DTD1: variants seen among roughly 807,000 people sequenced by gnomAD.
DTD1 encodes D-tyrosyl-tRNA deacylase 1 homolog.
In DTD1, 13 loss-of-function variants were observed where a neutral mutation model predicts 25.6. The observed-to-expected ratio is 0.51, with a 90% CI of 0.33 to 0.81. The LOEUF is 0.81. DTD1 is among the 30% of genes least tolerant of loss of function. The pLI, the probability that DTD1 is intolerant of heterozygous loss-of-function variation, is 0.02. For synonymous variants in DTD1, 110 were observed against 103.6 expected (o/e 1.06, Z -0.37); for missense variants, 193 against 266.4 (o/e 0.72, Z 1.92).
chr20:18,680,058 A>T (rs942300053), intron 4 of DTD1, among the ~76,000 whole-genome samples: 1 of 152,216 alleles, frequency 6.6e-6, no homozygotes. Context: ...CTATAGACCT[A>T]GGTAGATTTA....
intron 4 of DTD1, among the ~76,000 whole-genome samples, chr20:18,714,895 C>T (rs2061174215): frequency 6.6e-6 from 1 of 152,218 alleles, no homozygotes; most frequent in African/African-American, 2.4e-5. Flanking sequence ...GCCCCTTCAG[C>T]CAAACGCCTG....
intron 3 of DTD1, among the ~76,000 whole-genome samples, chr20:18,607,983 G>C (rs2060668580): frequency 6.6e-6 from 1 of 152,136 alleles, no homozygotes; most frequent in South Asian, 2.1e-4. Flanking sequence ...CAAAGTGCTG[G>C]GATTATAGGC....
intron 4 of DTD1, among the ~76,000 whole-genome samples, chr20:18,707,826 C>T (rs1392333070): frequency 6.6e-6 from 1 of 152,056 alleles, no homozygotes; most frequent in Non-Finnish European, 1.5e-5. Flanking sequence ...CTTCTCAGAT[C>T]AGCTGAAGAG....
intron 1 of DTD1, among the ~76,000 whole-genome samples, chr20:18,591,609 T>C (rs2060589900): frequency 6.6e-6 from 1 of 152,206 alleles, no homozygotes; most frequent in East Asian, 1.9e-4. Context: ...AATATTAAAG[T>C]ACTTACCTTT....
chr20:18,618,145 C>T (rs1214311786), intron 3 of DTD1, among the ~76,000 whole-genome samples: 4 of 152,124 alleles, frequency 2.6e-5, no homozygotes, highest in Admixed American at 6.6e-5. Context: ...TTGTAGGCAC[C>T]GCACCTTTCT....
rs926438898 is a variant in DTD1 at position 18,617,320 on chromosome 20, A to G, written c.371-10807A>G. On this transcript the variant is annotated intron_variant, in intron 3 of 5. Coordinates refer to ENST00000377452, the MANE Select transcript of DTD1 (RefSeq NM_080820.6). The stretch of plus-strand genomic sequence containing the variant: ...GGGACTACGAATTCAGAAAAAAATT[A>G]TATATAATATATATAATATTAGATA... Among the ~76,000 whole-genome samples the G allele has an allele frequency of 1.5e-4, 22 of 148,326 alleles. 1 individual carries two copies. Among genetic ancestry groups the G allele is most frequent in the Admixed American group, 6.8e-5 (1 of 14,790 alleles).
At position 18,596,261 on chromosome 20, in the gene DTD1, C is replaced by T; in HGVS notation, c.370+20C>T. The T allele has an allele frequency of 6.2e-7, 1 of 1,603,822 alleles. No individual in the cohort carries two copies. Among genetic ancestry groups the T allele is most frequent in the Non-Finnish European group, 8.5e-7 (1 of 1,171,728 alleles). On this transcript the variant is annotated intron_variant, in intron 3 of 5. Transcript: ENST00000377452. ...TCAAAGGTAAGCAGGAGAGCCACAT[C>T]CAGGAACGGGTCTTTGGGACACTCC...
intron 3 of DTD1, among the ~76,000 whole-genome samples, chr20:18,606,834 G>A (rs1340225333): frequency 2.0e-5 from 3 of 146,998 alleles, no homozygotes; most frequent in Non-Finnish European, 4.5e-5. Context: ...GCTAGATGAC[G>A]AGTTAGTGGG....
chr20:18,610,355 G>C (rs940379669), intron 3 of DTD1, among the ~76,000 whole-genome samples: 16 of 152,090 alleles, frequency 1.1e-4, no homozygotes, highest in African/African-American at 3.9e-4. Flanking sequence ...AGCCTCCCAA[G>C]CTGGGACTAC....
At chr20:18,691,569 A>G (rs2061047554) in intron 4 of DTD1, among the ~76,000 whole-genome samples, 1 of 152,180 alleles carries the variant, frequency 6.6e-6, no homozygotes, top group African/African-American at 2.4e-5. Context: ...CTGAGTACAC[A>G]TGGAAGTAAA....
intron 4 of DTD1, among the ~76,000 whole-genome samples, chr20:18,684,572 C>T (rs1389761681): frequency 6.6e-6 from 1 of 152,086 alleles, no homozygotes; most frequent in Non-Finnish European, 1.5e-5. Flanking sequence ...CAGGTGTGAG[C>T]CCCCACACCT....
At chr20:18,697,809 C>A (rs901630460) in intron 4 of DTD1, among the ~76,000 whole-genome samples, 18 of 152,326 alleles carry the variant, frequency 1.2e-4, no homozygotes, top group African/African-American at 4.3e-4. Context: ...CTCAGCCTCT[C>A]GAGTAGCTGG....
At chr20:18,707,381 G>C (rs1381208379) in intron 4 of DTD1, among the ~76,000 whole-genome samples, 1 of 152,180 alleles carries the variant, frequency 6.6e-6, no homozygotes, top group Non-Finnish European at 1.5e-5. Context: ...GACTGCAGTA[G>C]ACAAGATTGT....
chr20:18,762,475 G>T (rs374195941), intron 5 of DTD1, among the ~76,000 whole-genome samples: 122 of 152,252 alleles, frequency 8.0e-4, no homozygotes, highest in African/African-American at 2.9e-3. Flanking sequence ...TTAAAATGTC[G>T]CAAGACTAAG....
Position 18,702,910 on chromosome 20 carries a change from C to T in DTD1, c.478-41190C>T, listed in dbSNP as rs116090272. On this transcript the variant is annotated intron_variant, in intron 4 of 5. Coordinates refer to ENST00000377452, the MANE Select transcript of DTD1 (RefSeq NM_080820.6). ...TTTCTCCTGGGGCCTCTGACTGGGC[C>T]GCTGCCTGGACCTGCCCTCTGGGCT... 3.2e-3 allele frequency among the ~76,000 whole-genome samples: 486 copies of T among 152,284 alleles called. 1 individual carries two copies. The highest frequency in any genetic ancestry group is 9.5e-3 in the African/African-American group (395 of 41,566).
intron 4 of DTD1, among the ~76,000 whole-genome samples, chr20:18,738,416 C>T (rs1236738902): frequency 6.6e-6 from 1 of 152,208 alleles, no homozygotes; most frequent in Non-Finnish European, 1.5e-5. Context: ...GTGGCTTAAA[C>T]AGTAAGGAGC....
chr20:18,724,884 C>CT (rs1337313662), intron 4 of DTD1, among the ~76,000 whole-genome samples: 1 of 152,264 alleles, frequency 6.6e-6, no homozygotes, highest in Admixed American at 6.5e-5. Flanking sequence ...CAGTCCTTAA[C>CT]TAATAGAAAT....
At chr20:18,708,252 T>TTATATATA (rs1203473690) in intron 4 of DTD1, among the ~76,000 whole-genome samples, 7 of 31,794 alleles carry the variant, frequency 2.2e-4, no homozygotes, top group Non-Finnish European at 2.9e-4. Context: ...ATAATATATA[T>TTATATATA]TATATATATA....
intron 5 of DTD1, among the ~76,000 whole-genome samples, chr20:18,756,302 T>G (rs1170640936): frequency 1.3e-5 from 2 of 152,256 alleles, no homozygotes; most frequent in East Asian, 3.9e-4. Flanking sequence ...ATTTTGGCTT[T>G]TGTTGCCATT....
Sources: allele counts gnomAD v4.1 joint callset (sites outside exome capture counted in the v4.1 genomes callset), GRCh38; gene constraint gnomAD v4.1.1; transcripts MANE v1.5; gene names NCBI Gene and HGNC (gene_info 2026-07-23, HGNC 2026-07-21).